The following SLC36A2 variants were observed in gnomAD, a reference collection of about 807,000 sequenced individuals.
SLC36A2 encodes solute carrier family 36 member 2.
Under a neutral mutation model 42.7 loss-of-function variants are expected in SLC36A2, and 39 were observed. That is an observed-to-expected ratio of 0.91 (90% CI 0.71 to 1.19). The LOEUF is 1.19. SLC36A2 is among the 50% of genes most tolerant of loss of function. SLC36A2 has a pLI of 0.00. For missense variants in SLC36A2, 590 were observed against 613.7 expected, an observed-to-expected ratio of 0.96 and a Z score of 0.41; for synonymous variants, 237 against 240.8, an observed-to-expected ratio of 0.98 and a Z score of 0.15.
At chr5:151,326,812 C>CTTTTTTTTTTTTTTTTT (rs5872202) in intron 7 of SLC36A2, among the ~76,000 whole-genome samples, 2 of 142,282 alleles carry the variant, frequency 1.4e-5, no homozygotes, top group Non-Finnish European at 1.5e-5. Context: ...ATGAATTTAC[C>CTTTTTTTTTTTTTTTTT]TTTTTTTTTT....
intron 8 of SLC36A2, among the ~76,000 whole-genome samples, chr5:151,322,518 G>A (rs1174238057): frequency 2.0e-5 from 3 of 152,202 alleles, no homozygotes; most frequent in African/African-American, 7.2e-5. Flanking sequence ...TCAATCTTAT[G>A]TTTTAAAAAA....
At chr5:151,329,105 C>T (rs1755926044) in intron 7 of SLC36A2, among the ~76,000 whole-genome samples, 1 of 152,192 alleles carries the variant, frequency 6.6e-6, no homozygotes, top group Non-Finnish European at 1.5e-5. Flanking sequence ...ATCCTGGGCC[C>T]AGCCCTGAGC....
At chr5:151,332,488 C>T (rs764697098) in intron 7 of SLC36A2, 11 of 454,788 alleles carry the variant, frequency 2.4e-5, no homozygotes, top group East Asian at 7.0e-5. Flanking sequence ...TTGACAGGTG[C>T]GTTGATAAGC....
In SLC36A2 at chr5:151,343,494, A is replaced by T; in HGVS notation, c.344+16T>A. ...ATGCACCAAAGGAATTGACACAAGG[A>T]GGCTGTTTTCCTCACCTCTTACAGA... On this transcript the variant is annotated intron_variant, in intron 3 of 9. Transcript: ENST00000335244. 1 of 1,612,686 alleles carries T rather than the reference A, an allele frequency of 6.2e-7. No homozygotes were observed. Among genetic ancestry groups the T allele is most frequent in the Non-Finnish European group, 8.5e-7 (1 of 1,178,644 alleles).
chr5:151,331,928 G>A (rs1026565285), intron 7 of SLC36A2, among the ~76,000 whole-genome samples: 16 of 151,910 alleles, frequency 1.1e-4, no homozygotes, highest in Middle Eastern at 3.2e-3. Context: ...GTGCAGTGGC[G>A]CCATCTTAGC....
At chr5:151,321,973 C>G (rs565097996) in intron 9 of SLC36A2, 73 bp downstream of exon 9, 77 of 1,592,256 alleles carry the variant, frequency 4.8e-5, no homozygotes, top group Non-Finnish European at 6.5e-5. Context: ...CCAATGCATC[C>G]GGCCCATCTG....
In SLC36A2 at chr5:151,347,208, G is replaced by A. The variant is rs571199838; in HGVS notation, c.164+89C>T. On this transcript the variant is annotated intron_variant, in intron 1 of 9. Transcript: ENST00000335244. ...TGGTTTCTCATCTGCACAGTGGGTT[G>A]AGGGTCAGACACACCCACCTCAGGG... 1.4e-5 allele frequency: 21 copies of A among 1,498,520 alleles called. No homozygotes were observed. In the South Asian group the frequency reaches 1.8e-4, roughly 13 times the overall value. 92.8% of individuals were successfully genotyped at this position (1,498,520 alleles called of 1,614,324 possible).
rs1755492218 is a variant in SLC36A2 at position 151,316,460 on chromosome 5, G to A, written c.*357C>T. 2 of 268,730 alleles carry A rather than the reference G, an allele frequency of 7.4e-6. No individual in the cohort carries two copies. The highest frequency in any genetic ancestry group is 7.2e-6 in the Non-Finnish European group (1 of 139,732). The allele number at this position is 268,730 out of a possible 1,614,324, so 16.6% of individuals were successfully genotyped here. A position where few individuals can be genotyped will look rare whatever the true frequency, so the allele number is the denominator to read the frequency against. On this transcript the variant is annotated 3_prime_UTR_variant, in exon 10 of 10. Coordinates refer to ENST00000335244, the MANE Select transcript of SLC36A2 (RefSeq NM_181776.3). ...AGATAATGCATATAAAAGAGATCTG[G>A]CCAGGCGAGGTGGCTCACGCCTGTG...
intron 8 of SLC36A2, 100 bp from the exon 9 acceptor site, chr5:151,322,315 T>G: frequency 7.2e-7 from 1 of 1,385,860 alleles, no homozygotes; most frequent in Non-Finnish European, 1.0e-6. Context: ...GACTTGGGCT[T>G]TTGTTTCCCT....
chr5:151,327,139 T>C (rs1178127721), intron 7 of SLC36A2, among the ~76,000 whole-genome samples: 1 of 152,134 alleles, frequency 6.6e-6, no homozygotes, highest in Non-Finnish European at 1.5e-5. Context: ...TTGTAGAGAA[T>C]TACACAAGCA....
intron 9 of SLC36A2, among the ~76,000 whole-genome samples, chr5:151,319,992 C>T (rs985197492): frequency 5.9e-5 from 9 of 152,026 alleles, no homozygotes; most frequent in Non-Finnish European, 1.2e-4. Context: ...CATCGTATTT[C>T]GTAGAAATTT....
In SLC36A2 at chr5:151,316,407, C is replaced by A; in HGVS notation, c.*410G>T. 1 of 175,952 alleles carries A rather than the reference C, an allele frequency of 5.7e-6. No individual in the cohort carries two copies. The highest frequency in any genetic ancestry group is 1.2e-5 in the Non-Finnish European group (1 of 82,432). 10.9% of individuals were successfully genotyped at this position (175,952 alleles called of 1,614,324 possible). On this transcript the variant is annotated 3_prime_UTR_variant, in exon 10 of 10. Coordinates refer to ENST00000335244, the MANE Select transcript of SLC36A2 (RefSeq NM_181776.3). ...CTTTCTTGTTTCACCATGACTTGGCCCAGAGAAAAGGCAAAGCAGTGACAT... is the reference window on the plus strand; with the variant it reads ...CTTTCTTGTTTCACCATGACTTGGCACAGAGAAAAGGCAAAGCAGTGACAT...
At chr5:151,332,585 A>C in intron 7 of SLC36A2, 1 of 352,944 alleles carries the variant, frequency 2.8e-6, no homozygotes, top group Non-Finnish European at 5.6e-6. Context: ...TTTAAAATGC[A>C]TTAGGCTAAG....
rs1415986028 is a variant in SLC36A2, at chr5:151,330,035, G to A, written c.843+3189C>T. Among the ~76,000 whole-genome samples the A allele has an allele frequency of 5.9e-5, 9 of 151,912 alleles. No homozygotes were observed. The East Asian group carries it at 7.7e-4, about 13-fold the overall frequency. On this transcript the variant is annotated intron_variant, in intron 7 of 9. Transcript: ENST00000335244. ...TGTGTGTTTAGGGGGGTGGGGGAGC[G>A]GGGTCCTGGAACCAATGTCCTATAT...
intron 9 of SLC36A2, chr5:151,319,628 C>T (rs1755625522): frequency 6.5e-6 from 1 of 153,404 alleles, no homozygotes. Flanking sequence ...AATCTCACAG[C>T]AGCCTTGGCA....
chr5:151,320,421 T>G (rs1264552618), intron 9 of SLC36A2, among the ~76,000 whole-genome samples: 1 of 152,018 alleles, frequency 6.6e-6, no homozygotes, highest in Non-Finnish European at 1.5e-5. Context: ...TTCCTAAATT[T>G]CCATGGACAG....
In SLC36A2 at chr5:151,335,090, A is replaced by T. The variant is rs561609292; in HGVS notation, c.744+239T>A. Reference sequence around the variant, plus strand: ...GTTTTCCTTGCAAGCACATTTTTTTAAAAAAGCCAGAATTTGACATAAAAA... The same window carrying T: ...GTTTTCCTTGCAAGCACATTTTTTTTAAAAAGCCAGAATTTGACATAAAAA... On this transcript the variant is annotated intron_variant, in intron 6 of 9. Transcript: ENST00000335244. Among the ~76,000 whole-genome samples, 45 of 152,270 alleles carry T rather than the reference A, an allele frequency of 3.0e-4. No homozygotes were observed. In the South Asian group the frequency reaches 5.0e-3, roughly 17 times the overall value.
chr5:151,329,773 A>T (rs566555401), intron 7 of SLC36A2, among the ~76,000 whole-genome samples: 36 of 152,296 alleles, frequency 2.4e-4, no homozygotes, highest in Non-Finnish European at 4.0e-4. Context: ...AGATTTTTTT[A>T]AAAAAATGAA....
Position 151,327,583 on chromosome 5 carries a change from C to T in SLC36A2, c.844-2131G>A, listed in dbSNP as rs566490772. 7.9e-5 allele frequency among the ~76,000 whole-genome samples: 12 copies of T among 152,292 alleles called. No individual in the cohort carries two copies. In the South Asian group the frequency reaches 2.5e-3, roughly 32 times the overall value. On this transcript the variant is annotated intron_variant, in intron 7 of 9. Transcript: ENST00000335244. ...CTTTCTTCTGGATTAGGTCTCGTTG[C>T]AGCAGGTGCTCAGGAGGATGTTTGA...
Sources: gnomAD v4.1 joint callset for allele counts (sites outside exome capture counted in the v4.1 genomes callset) on GRCh38, gnomAD v4.1.1 for gene constraint, MANE v1.5 for transcripts, NCBI Gene and HGNC (gene_info 2026-07-23, HGNC 2026-07-21) for gene names.